MTARC1: variants seen among roughly 807,000 people sequenced by gnomAD.
MTARC1 encodes the protein mitochondrial amidoxime reducing component 1.
MTARC1 carries 24 observed loss-of-function variants against 33.6 expected under a neutral mutation model. That is an observed-to-expected ratio of 0.72 (90% CI 0.52 to 1.01). The LOEUF is 1.01. MTARC1 is among the 50% of genes least tolerant of loss of function. MTARC1 has a pLI of 0.00. For missense variants in MTARC1, 417 were observed against 445.7 expected (o/e 0.94, Z 0.58); for synonymous variants, 187 against 189.5 (o/e 0.99, Z 0.11).
At chr1:220,788,815 A>G (rs1672325819) in intron 1 of MTARC1, among the ~76,000 whole-genome samples, 1 of 148,684 alleles carries the variant, frequency 6.7e-6, no homozygotes, top group African/African-American at 2.5e-5. Context: ...AAAAAAATCC[A>G]TGTTTCGTAT....
In MTARC1 at chr1:220,788,986, C is replaced by T. The variant is rs79995284; in HGVS notation, c.275+1767C>T. Among the ~76,000 whole-genome samples, 1,393 of 152,142 alleles carry T rather than the reference C, an allele frequency of 9.2e-3. 11 individuals carry two copies. Among genetic ancestry groups the T allele is most frequent in the East Asian group, 0.059 (305 of 5,180 alleles). ...GACACTATGATAAATTCTTTATTTT[C>T]GTTCATCACACACTCCCAGAAAGTG... is the stretch of plus-strand genomic sequence containing the variant. On this transcript the variant is annotated intron_variant, in intron 1 of 6. Transcript: ENST00000366910.
At position 220,802,503 on chromosome 1, in the gene MTARC1, T is replaced by C. The variant is rs72472326; in HGVS notation, c.754-2549T>C. Among the ~76,000 whole-genome samples, 796 of 152,322 alleles carry C rather than the reference T, an allele frequency of 5.2e-3. 13 individuals are homozygous for C. Among genetic ancestry groups the C allele is most frequent in the South Asian group, 0.051 (246 of 4,828 alleles). On this transcript the variant is annotated intron_variant, in intron 4 of 6. Coordinates refer to ENST00000366910, the MANE Select transcript of MTARC1 (RefSeq NM_022746.4). ...GACGCCACCATGCCTGGCTAGTTTT[T>C]GTATTTTTAGTATAGACAGGGTTTT...
intron 1 of MTARC1, among the ~76,000 whole-genome samples, chr1:220,789,288 C>T (rs908715978): frequency 5.9e-5 from 9 of 152,120 alleles, no homozygotes; most frequent in Admixed American, 2.0e-4. Context: ...CAAAGACACT[C>T]GGCTTGTGAG....
intron 1 of MTARC1, 88 bp downstream of exon 1, chr1:220,787,307 TCTG>T (rs1672266861): frequency 7.2e-7 from 1 of 1,396,470 alleles, no homozygotes; most frequent in Non-Finnish European, 9.3e-7. Flanking sequence ...GTCTGCAGAG[TCTG>T]CTAACAGGTC....
chr1:220,817,422 T>C lies in MTARC1; in HGVS notation c.*4004T>C, dbSNP rs1418218928. On this transcript the variant is annotated 3_prime_UTR_variant, in exon 7 of 7. Transcript: ENST00000366910. ...GGGGACCCAAATGGGCTGCTGCTGC[T>C]GGCTGGGGTGGCCACCTTTTATTCC... is the stretch of plus-strand genomic sequence containing the variant. 6.6e-6 allele frequency: 1 copy of C among 152,412 alleles called. No individual in the cohort carries two copies. The highest frequency in any genetic ancestry group is 1.9e-4 in the East Asian group (1 of 5,194). The allele number at this position is 152,412 out of a possible 1,614,324, so 9.4% of individuals were successfully genotyped here.
intron 4 of MTARC1, chr1:220,798,769 A>G: frequency 1.2e-6 from 1 of 861,072 alleles, no homozygotes; most frequent in African/African-American, 1.8e-5. Flanking sequence ...ATTTATGTTG[A>G]GAAGGGAGAG....
intron 6 of MTARC1, among the ~76,000 whole-genome samples, chr1:220,806,079 G>A (rs1571679029): frequency 6.6e-6 from 1 of 152,208 alleles, no homozygotes; most frequent in South Asian, 2.1e-4. Flanking sequence ...ATGGAAAAGG[G>A]TTATTCTCAT....
chr1:220,797,592 TAGAA>T (rs1326525628), intron 3 of MTARC1, among the ~76,000 whole-genome samples: 4 of 152,364 alleles, frequency 2.6e-5, no homozygotes, highest in African/African-American at 9.6e-5. Flanking sequence ...ATGGGAGGCT[TAGAA>T]AGGTTCAGTG....
intron 4 of MTARC1, among the ~76,000 whole-genome samples, chr1:220,801,859 G>A (rs759045682): frequency 8.6e-5 from 13 of 152,000 alleles, no homozygotes; most frequent in East Asian, 1.9e-4. Context: ...TCCTCATCTC[G>A]GAAGCTACCT....
At chr1:220,796,500 C>A in intron 2 of MTARC1, 143 bp from the exon 3 acceptor site, 1 of 1,003,392 alleles carries the variant, frequency 1.0e-6, no homozygotes, top group Non-Finnish European at 1.4e-6. Context: ...GAGTCAGGAC[C>A]AGGACTAAAA....
Position 220,819,278 on chromosome 1 carries a change from AT to A in MTARC1, c.*5864del, listed in dbSNP as rs1673338398. On this transcript the variant is annotated 3_prime_UTR_variant, in exon 7 of 7. Transcript: ENST00000366910. ...GAGTGTTTTCATGTCCCAAGGACAA[AT>A]TTTAACAACCATAATCTGCCCTCAG... 1 of 152,202 alleles carries A rather than the reference AT, an allele frequency of 6.6e-6. No individual in the cohort carries two copies. Among genetic ancestry groups the A allele is most frequent in the Admixed American group, 6.5e-5 (1 of 15,282 alleles). The allele number at this position is 152,202 out of a possible 1,614,324, so 9.4% of individuals were successfully genotyped here.
In MTARC1 at chr1:220,813,636, T is replaced by C. The variant is rs1673208284; in HGVS notation, c.*218T>C. On this transcript the variant is annotated 3_prime_UTR_variant, in exon 7 of 7. Transcript: ENST00000366910. ...TCTCAATAACTTAGTAGGACTTCAG[T>C]AAGTCACTTAAATGACAAGACAGGA... The C allele has an allele frequency of 1.9e-6, 1 of 517,272 alleles. No individual in the cohort carries two copies. Among genetic ancestry groups the C allele is most frequent in the Non-Finnish European group, 3.4e-6 (1 of 293,940 alleles). 32.0% of individuals were successfully genotyped at this position (517,272 alleles called of 1,614,324 possible).
Position 220,818,002 on chromosome 1 carries a change from G to A in MTARC1, c.*4584G>A, listed in dbSNP as rs185089265. 2.0e-5 allele frequency: 3 copies of A among 152,286 alleles called. No individual in the cohort carries two copies. Among genetic ancestry groups the A allele is most frequent in the African/African-American group, 7.2e-5 (3 of 41,544 alleles). 9.4% of individuals were successfully genotyped at this position (152,286 alleles called of 1,614,324 possible). ...ATCTATGTCTGCACAAAGCACTACT[G>A]TGCTTTGCTGTCTGCAAGAACAGAG... On this transcript the variant is annotated 3_prime_UTR_variant, in exon 7 of 7. Transcript: ENST00000366910.
At chr1:220,813,143 C>T (rs1172890890) in intron 6 of MTARC1, 149 bp from the exon 7 acceptor site, 4 of 1,025,814 alleles carry the variant, frequency 3.9e-6, no homozygotes, top group Admixed American at 2.0e-5. Flanking sequence ...CACTGCCCCA[C>T]TCCAGGAGGC....
chr1:220,808,765 C>A (rs971642044), intron 6 of MTARC1: 1 of 467,452 alleles, frequency 2.1e-6, no homozygotes, highest in Non-Finnish European at 4.4e-6. Context: ...ATAGGGAAGC[C>A]TTTGTCTGTA....
At chr1:220,805,165 G>C in intron 5 of MTARC1, 38 bp from the exon 6 acceptor site, 1 of 1,613,958 alleles carries the variant, frequency 6.2e-7, no homozygotes, top group Non-Finnish European at 8.5e-7. Flanking sequence ...AGTTCGCTCT[G>C]CTCTGTCCCC....
intron 4 of MTARC1, among the ~76,000 whole-genome samples, chr1:220,804,452 T>G (rs1315233774): frequency 6.6e-6 from 1 of 152,206 alleles, no homozygotes; most frequent in East Asian, 1.9e-4. Flanking sequence ...GGTCCACTAA[T>G]GCGGTTTGTC....
chr1:220,811,137 T>A (rs1370817891), intron 6 of MTARC1, among the ~76,000 whole-genome samples: 1 of 152,166 alleles, frequency 6.6e-6, no homozygotes, highest in Non-Finnish European at 1.5e-5. Flanking sequence ...CCCCTGTTCC[T>A]GAAGAGGTCA....
chr1:220,803,045 G>A (rs901930789), intron 4 of MTARC1, among the ~76,000 whole-genome samples: 5 of 152,108 alleles, frequency 3.3e-5, no homozygotes, highest in Non-Finnish European at 5.9e-5. Context: ...ATTACCAACT[G>A]TATTAGTTTA....
Sources: allele counts gnomAD v4.1 joint callset (sites outside exome capture counted in the v4.1 genomes callset), GRCh38; gene constraint gnomAD v4.1.1; transcripts MANE v1.5; gene names NCBI Gene and HGNC (gene_info 2026-07-23, HGNC 2026-07-21).